Variants in GAD1 observed in about 807,000 individuals in gnomAD.
The protein encoded by GAD1 is 67 kDa glutamic acid decarboxylase.
A neutral mutation model predicts 75.2 loss-of-function variants in GAD1; 35 were observed. The observed-to-expected ratio is 0.47, with a 90% CI of 0.36 to 0.62. GAD1 has a LOEUF of 0.62. Ranked by LOEUF, GAD1 falls within the 20% of genes least tolerant of loss-of-function variation. The probability of loss-of-function intolerance (pLI) is 0.00; values close to 1 mark genes in which losing one functional copy is unlikely to be tolerated. For missense variants in GAD1, 490 were observed against 758.5 expected (o/e 0.65, Z 4.16); for synonymous variants, 257 against 271.9 (o/e 0.95, Z 0.54).
intron 8 of GAD1, 41 bp from the exon 9 acceptor site, chr2:170,845,665 G>T: frequency 6.2e-7 from 1 of 1,612,850 alleles, no homozygotes; most frequent in Non-Finnish European, 8.5e-7. Context: ...GTTTTTTAGG[G>T]GACTTTCCAA....
At position 170,846,012 on chromosome 2, in the gene GAD1, G is replaced by T. The variant is rs1330599269; in HGVS notation, c.951G>T (p.Gly317=). 8.1e-6 allele frequency: 13 copies of T among 1,613,158 alleles called. No individual in the cohort carries two copies. The highest frequency in any genetic ancestry group is 1.1e-5 in the Non-Finnish European group (13 of 1,179,212). ...NVILIKCNER[G]KIIPADFEAK... is the part of the protein sequence containing the mutation. ...CCTCCTTTTCCAATAATTATAGGGGGAAAATAATTCCAGCTGATTTTGAGG... is the reference window on the plus strand; with the variant it reads ...CCTCCTTTTCCAATAATTATAGGGGTAAAATAATTCCAGCTGATTTTGAGG... The change falls in exon 10 of 17, where the codon GGG becomes GGT. Residue 317 remains glycine (G), a synonymous_variant. Coordinates refer to ENST00000358196, the MANE Select transcript of GAD1 (RefSeq NM_000817.3).
At chr2:170,858,938 T>C in intron 16 of GAD1, 45 bp downstream of exon 16, 1 of 1,523,438 alleles carries the variant, frequency 6.6e-7, no homozygotes, top group Non-Finnish European at 9.1e-7. Context: ...GCAATTTCTC[T>C]GGCTGGTCAG....
At chr2:170,843,297 T>G (rs577194215) in intron 6 of GAD1, among the ~76,000 whole-genome samples, 2 of 152,348 alleles carry the variant, frequency 1.3e-5, no homozygotes, top group Admixed American at 1.3e-4. Flanking sequence ...AGAAGACAAA[T>G]GTAACCTTCC....
chr2:170,824,073 C>T (rs961730766), intron 3 of GAD1, among the ~76,000 whole-genome samples: 4 of 152,164 alleles, frequency 2.6e-5, no homozygotes, highest in African/African-American at 9.6e-5. Flanking sequence ...CACTCCCCCT[C>T]CCCCACTGTC....
chr2:170,859,898 C>T lies in GAD1; in HGVS notation c.*16C>T. Reference sequence around the variant, plus strand: ...GGATCTGTAATCATCCTTCGCAGAACATGAGTTTATGGGAATGCCTTTTCC... The same window carrying T: ...GGATCTGTAATCATCCTTCGCAGAATATGAGTTTATGGGAATGCCTTTTCC... On this transcript the variant is annotated 3_prime_UTR_variant, in exon 17 of 17. Coordinates refer to ENST00000358196, the MANE Select transcript of GAD1 (RefSeq NM_000817.3). 1 of 1,612,806 alleles carries T rather than the reference C, an allele frequency of 6.2e-7. No homozygotes were observed. Among genetic ancestry groups the T allele is most frequent in the Non-Finnish European group, 8.5e-7 (1 of 1,179,218 alleles).
intron 12 of GAD1, among the ~76,000 whole-genome samples, chr2:170,851,810 A>G (rs1285379001): frequency 6.6e-6 from 1 of 152,178 alleles, no homozygotes; most frequent in Non-Finnish European, 1.5e-5. Context: ...ATTGTGTCTG[A>G]CAGAATGATG....
At chr2:170,840,201 A>T (rs917145567) in intron 6 of GAD1, among the ~76,000 whole-genome samples, 2 of 152,188 alleles carry the variant, frequency 1.3e-5, no homozygotes, top group African/African-American at 4.8e-5. Context: ...TCCAGTCCTA[A>T]GTGCCTAGCG....
intron 2 of GAD1, among the ~76,000 whole-genome samples, chr2:170,819,886 T>G (rs1226157469): frequency 1.3e-5 from 2 of 152,176 alleles, no homozygotes; most frequent in African/African-American, 2.4e-5. Flanking sequence ...ACGCTGGCAT[T>G]GGCTCCCGGG....
At position 170,829,456 on chromosome 2, in the gene GAD1, C is replaced by T. The variant is rs371063297; in HGVS notation, c.146-19C>T. 8 of 1,612,130 alleles carry T rather than the reference C, an allele frequency of 5.0e-6. No homozygotes were observed. The African/African-American group carries it at 9.4e-5, about 19-fold the overall frequency. On this transcript the variant is annotated intron_variant, in intron 3 of 16. Transcript: ENST00000358196. The stretch of plus-strand genomic sequence containing the variant: ...GGGCAGTTTGCAGCACTCTCTCTGA[C>T]CAGCTTCTTGTGCCATAGGCTTCTT...
intron 15 of GAD1, among the ~76,000 whole-genome samples, chr2:170,857,659 G>A (rs1702879507): frequency 6.6e-6 from 1 of 152,164 alleles, no homozygotes; most frequent in African/African-American, 2.4e-5. Flanking sequence ...GAAGCTTATA[G>A]GATGGGTATA....
chr2:170,842,467 AT>A, intron 6 of GAD1: 1 of 1,073,026 alleles, frequency 9.3e-7, no homozygotes, highest in South Asian at 1.3e-5. Flanking sequence ...TTAATAACAC[AT>A]TTGTTCAAGA....
At chr2:170,833,782 T>G (rs984614045) in intron 5 of GAD1, among the ~76,000 whole-genome samples, 1 of 151,986 alleles carries the variant, frequency 6.6e-6, no homozygotes, top group Non-Finnish European at 1.5e-5. Context: ...GGCTGGCAGG[T>G]GGATCACGCG....
intron 6 of GAD1, among the ~76,000 whole-genome samples, chr2:170,841,897 A>G (rs1408322216): frequency 6.6e-6 from 1 of 152,228 alleles, no homozygotes; most frequent in Non-Finnish European, 1.5e-5. Context: ...TTTCCTCCTC[A>G]AGGTTGAGAA....
chr2:170,829,047 C>A, intron 3 of GAD1: 1 of 310,818 alleles, frequency 3.2e-6, no homozygotes, highest in Non-Finnish European at 6.2e-6. Context: ...CTGTCCTCAC[C>A]TCTCCTCCTA....
Position 170,845,800 on chromosome 2 carries a change from G to A in GAD1, c.947+15G>A, listed in dbSNP as rs765272565. 5.0e-6 allele frequency: 8 copies of A among 1,611,086 alleles called. No individual in the cohort carries two copies. Among genetic ancestry groups the A allele is most frequent in the Non-Finnish European group, 6.8e-6 (8 of 1,177,262 alleles). ...TGCAATGAAAGGTAGGCAGGGGAGGGTGAATATTAGGTTCTTGATGTATTA... is the reference window on the plus strand; with the variant it reads ...TGCAATGAAAGGTAGGCAGGGGAGGATGAATATTAGGTTCTTGATGTATTA... On this transcript the variant is annotated intron_variant, in intron 9 of 16. Coordinates refer to ENST00000358196, the MANE Select transcript of GAD1 (RefSeq NM_000817.3).
At chr2:170,855,284 C>T (rs1386770946) in intron 14 of GAD1, among the ~76,000 whole-genome samples, 1 of 151,232 alleles carries the variant, frequency 6.6e-6, no homozygotes, top group South Asian at 2.1e-4. Flanking sequence ...TCTCTGCTCC[C>T]TGCAACCTCC....
chr2:170,832,534 C>A (rs150225276), intron 5 of GAD1, among the ~76,000 whole-genome samples: 10 of 152,300 alleles, frequency 6.6e-5, no homozygotes, highest in African/African-American at 2.4e-4. Flanking sequence ...TTCACAGGAA[C>A]CAGGGATTAG....
intron 3 of GAD1, among the ~76,000 whole-genome samples, chr2:170,826,262 G>A (rs879538593): frequency 6.6e-6 from 1 of 152,130 alleles, no homozygotes; most frequent in Non-Finnish European, 1.5e-5. Context: ...GGAATGGGAT[G>A]CAGGTTTAAA....
upstream of GAD1, among the ~76,000 whole-genome samples, chr2:170,814,151 T>C (rs1701656938): frequency 6.6e-6 from 1 of 152,154 alleles, no homozygotes; most frequent in Admixed American, 6.5e-5. Flanking sequence ...TCAAATGTTG[T>C]TTAGAGCCGA....
Sources: allele counts gnomAD v4.1 joint callset (sites outside exome capture counted in the v4.1 genomes callset), GRCh38; gene constraint gnomAD v4.1.1; transcripts MANE v1.5; gene names NCBI Gene and HGNC (gene_info 2026-07-23, HGNC 2026-07-21).